Variants in DTD1 observed in about 807,000 individuals in gnomAD.
The protein encoded by DTD1 is D-aminoacyl-tRNA deacylase 1.
Under a neutral mutation model 25.6 loss-of-function variants are expected in DTD1, and 13 were observed. The ratio of observed to expected loss-of-function variants is 0.51; its 90% CI spans 0.33 to 0.81. DTD1 has a LOEUF of 0.81. Among genes scored for constraint, DTD1 ranks in the 30% least tolerant of loss-of-function variants. The pLI is 0.02. For missense variants in DTD1, 193 were observed against 266.4 expected (o/e 0.72, Z 1.92); for synonymous variants, 110 against 103.6 (o/e 1.06, Z -0.37).
At chr20:18,588,220 C>T in intron 1 of DTD1, 105 bp downstream of exon 1, 1 of 1,056,818 alleles carries the variant, frequency 9.5e-7, no homozygotes, top group Non-Finnish European at 1.2e-6. Context: ...CGCTGCGGCC[C>T]CTCCGCGAGC....
At chr20:18,647,294 G>A (rs2122347565) in intron 4 of DTD1, among the ~76,000 whole-genome samples, 1 of 152,258 alleles carries the variant, frequency 6.6e-6, no homozygotes, top group East Asian at 1.9e-4. Context: ...AGATTTCTGT[G>A]TGGTGGGTGC....
intron 5 of DTD1, among the ~76,000 whole-genome samples, chr20:18,759,927 T>C (rs1459448182): frequency 1.3e-5 from 2 of 152,204 alleles, no homozygotes; most frequent in Non-Finnish European, 2.9e-5. Context: ...GGAGGTTTTG[T>C]TCGTTTCTTT....
In DTD1 at chr20:18,750,369, G is replaced by A. The variant is rs568738852; in HGVS notation, c.*19+6098G>A. Among the ~76,000 whole-genome samples, 4 of 152,290 alleles carry A rather than the reference G, an allele frequency of 2.6e-5. No homozygotes were observed. The East Asian group carries it at 7.7e-4, about 29-fold the overall frequency. ...TGTTTTGTTCCCCAGAACAACAGCA[G>A]CCCCCTCACTATGAAGGGAGTAGCA... On this transcript the variant is annotated intron_variant, in intron 5 of 5. Coordinates refer to ENST00000377452, the MANE Select transcript of DTD1 (RefSeq NM_080820.6).
chr20:18,648,221 G>A (rs560065787), intron 4 of DTD1, among the ~76,000 whole-genome samples: 2 of 152,312 alleles, frequency 1.3e-5, no homozygotes, highest in African/African-American at 2.4e-5. Flanking sequence ...GGCTGTTGGT[G>A]GGCAGGTGTG....
At chr20:18,652,212 T>G (rs1223542773) in intron 4 of DTD1, among the ~76,000 whole-genome samples, 1 of 152,250 alleles carries the variant, frequency 6.6e-6, no homozygotes, top group African/African-American at 2.4e-5. Flanking sequence ...TTGCATAAAC[T>G]TATATACCCC....
Position 18,615,901 on chromosome 20 carries a change from T to A in DTD1, c.371-12226T>A, listed in dbSNP as rs916827764. On this transcript the variant is annotated intron_variant, in intron 3 of 5. Transcript: ENST00000377452. The stretch of plus-strand genomic sequence containing the variant: ...AATGCAAAGAGAAAGTGCCAGGAGC[T>A]GGAAGACCACGTCTAAGTTTTTGTT... Among the ~76,000 whole-genome samples the A allele has an allele frequency of 2.6e-5, 4 of 152,228 alleles. No individual in the cohort carries two copies. In the East Asian group the frequency reaches 7.7e-4, roughly 29 times the overall value.
intron 4 of DTD1, among the ~76,000 whole-genome samples, chr20:18,714,224 A>G (rs1249047799): frequency 6.6e-6 from 1 of 152,228 alleles, no homozygotes. Flanking sequence ...CCTGTGAAAC[A>G]AGAAGGCTGT....
Position 18,723,080 on chromosome 20 carries a change from C to T in DTD1, c.478-21020C>T, listed in dbSNP as rs533873074. Reference sequence around the variant, plus strand: ...GTCATATCACTTTAGACCAGAGTTTCTCAGCCTCACCACTCTTGCCATTCT... The same window carrying T: ...GTCATATCACTTTAGACCAGAGTTTTTCAGCCTCACCACTCTTGCCATTCT... On this transcript the variant is annotated intron_variant, in intron 4 of 5. Coordinates refer to ENST00000377452, the MANE Select transcript of DTD1 (RefSeq NM_080820.6). Among the ~76,000 whole-genome samples the T allele has an allele frequency of 9.8e-5, 15 of 152,314 alleles. No individual in the cohort carries two copies. The South Asian group carries it at 2.5e-3, about 25-fold the overall frequency.
intron 4 of DTD1, among the ~76,000 whole-genome samples, chr20:18,660,679 T>C (rs1367521355): frequency 6.6e-6 from 1 of 152,180 alleles, no homozygotes; most frequent in Non-Finnish European, 1.5e-5. Flanking sequence ...AATTGTGAAA[T>C]ATAAAATATT....
chr20:18,608,214 T>C (rs2060670160), intron 3 of DTD1, among the ~76,000 whole-genome samples: 1 of 152,108 alleles, frequency 6.6e-6, no homozygotes, highest in Non-Finnish European at 1.5e-5. Context: ...TCTATAGTGA[T>C]GTCCTCTGTT....
intron 4 of DTD1, chr20:18,632,082 T>C (rs558835606): frequency 1.1e-6 from 1 of 912,824 alleles, no homozygotes; most frequent in Admixed American, 6.2e-5. Flanking sequence ...GGACATGTAA[T>C]TTACTTGACT....
chr20:18,676,101 G>A (rs2060973080), intron 4 of DTD1, among the ~76,000 whole-genome samples: 1 of 152,172 alleles, frequency 6.6e-6, no homozygotes, highest in African/African-American at 2.4e-5. Context: ...TAGGAGCAGT[G>A]ATTTGGTGAA....
intron 4 of DTD1, among the ~76,000 whole-genome samples, chr20:18,731,799 A>G (rs1195174924): frequency 6.6e-6 from 1 of 152,192 alleles, no homozygotes. Context: ...AAGCTGTGTT[A>G]TATCCTATAA....
intron 4 of DTD1, among the ~76,000 whole-genome samples, chr20:18,736,133 AC>A (rs1270326390): frequency 3.3e-5 from 5 of 151,912 alleles, no homozygotes; most frequent in African/African-American, 1.2e-4. Flanking sequence ...GTTTTCTAGA[AC>A]CCCTTCATGG....
intron 4 of DTD1, among the ~76,000 whole-genome samples, chr20:18,652,590 T>C (rs2122356930): frequency 6.6e-6 from 1 of 152,332 alleles, no homozygotes; most frequent in East Asian, 1.9e-4. Flanking sequence ...AGTGGGTCTC[T>C]ACCTGGGCTG....
intron 4 of DTD1, among the ~76,000 whole-genome samples, chr20:18,693,407 A>C (rs1403321415): frequency 6.6e-6 from 1 of 152,090 alleles, no homozygotes; most frequent in Non-Finnish European, 1.5e-5. Context: ...CTGTAATCCC[A>C]GCACTTTGGG....
intron 4 of DTD1, among the ~76,000 whole-genome samples, chr20:18,737,071 C>T (rs1000922978): frequency 6.6e-6 from 1 of 152,218 alleles, no homozygotes; most frequent in African/African-American, 2.4e-5. Flanking sequence ...TCCTCTGCCA[C>T]TCCCGACAAT....
At chr20:18,593,879 G>T in intron 2 of DTD1, 58 bp downstream of exon 2, 1 of 1,400,204 alleles carries the variant, frequency 7.1e-7, no homozygotes, top group African/African-American at 1.4e-5. Flanking sequence ...GGTCATGCTG[G>T]GAACTTCCAT....
At chr20:18,665,779 A>G (rs2060929204) in intron 4 of DTD1, among the ~76,000 whole-genome samples, 1 of 152,220 alleles carries the variant, frequency 6.6e-6, no homozygotes, top group Non-Finnish European at 1.5e-5. Context: ...TGTGGTCTAT[A>G]GGGTTTATTT....
Sources: gnomAD v4.1 joint callset for allele counts (sites outside exome capture counted in the v4.1 genomes callset) on GRCh38, gnomAD v4.1.1 for gene constraint, MANE v1.5 for transcripts, NCBI Gene and HGNC (gene_info 2026-07-23, HGNC 2026-07-21) for gene names.